Variants in ALKBH5 observed in about 807,000 individuals in gnomAD.
ALKBH5 encodes RNA demethylase ALKBH5.
Under a neutral mutation model 32.1 loss-of-function variants are expected in ALKBH5, and 2 were observed. The observed-to-expected ratio is 0.06, with a 90% CI of 0.03 to 0.20. ALKBH5 has a LOEUF of 0.20. Ranked by LOEUF, ALKBH5 falls within the 10% of genes least tolerant of loss-of-function variation. ALKBH5 has a pLI of 1.00. For missense variants in ALKBH5, 352 were observed against 559.5 expected (o/e 0.63, Z 3.74); for synonymous variants, 300 against 231.7 (o/e 1.29, Z -2.68).
Position 18,208,328 on chromosome 17 carries a change from G to A in ALKBH5, c.1117G>A (p.Glu373Lys), listed in dbSNP as rs751699434. 41 of 1,613,954 alleles carry A rather than the reference G, an allele frequency of 2.5e-5. No individual in the cohort carries two copies. The highest frequency in any genetic ancestry group is 3.1e-5 in the Non-Finnish European group (36 of 1,180,026). ...TGAGAACTACTGGCGCAAGTCATAC[G>A]AGTCCTCAGAGGACTGCTCTGAGGC... ...SSENYWRKSY[E>K]SSEDCSEAAG... Residue 373 changes from glutamate (E) to lysine (K), a missense_variant, in exon 4 of 4, where the codon GAG becomes AAG. Coordinates refer to ENST00000399138, the MANE Select transcript of ALKBH5 (RefSeq NM_017758.4).
chr17:18,188,631 A>G (rs997421970), intron 1 of ALKBH5, among the ~76,000 whole-genome samples: 3 of 152,186 alleles, frequency 2.0e-5, no homozygotes, highest in Non-Finnish European at 4.4e-5. Flanking sequence ...CACCGTCAGG[A>G]GGAGCTCTGG....
At position 18,208,203 on chromosome 17, in the gene ALKBH5, C is replaced by G. The variant is rs756590328; in HGVS notation, c.1008-16C>G. Reference sequence around the variant, plus strand: ...GCCAGCCTCTCAGATAACGTCCTACCTCCCTTTCCTTGCAGGCCACGGATC... The same window carrying G: ...GCCAGCCTCTCAGATAACGTCCTACGTCCCTTTCCTTGCAGGCCACGGATC... On this transcript the variant is annotated splice_polypyrimidine_tract_variant and intron_variant, in intron 3 of 3. Coordinates refer to ENST00000399138, the MANE Select transcript of ALKBH5 (RefSeq NM_017758.4). The G allele has an allele frequency of 1.3e-6, 2 of 1,596,324 alleles. No homozygotes were observed. Among genetic ancestry groups the G allele is most frequent in the Non-Finnish European group, 1.7e-6 (2 of 1,170,376 alleles).
Position 18,184,720 on chromosome 17 carries a change from C to G in ALKBH5, c.477C>G (p.Gly159=), listed in dbSNP as rs747500812. Residue 159 remains glycine (G), a synonymous_variant, in exon 1 of 4, where the codon GGC becomes GGG. Coordinates refer to ENST00000399138, the MANE Select transcript of ALKBH5 (RefSeq NM_017758.4). ...GCCAGGAGCGCCTCTACCCGCCGGG[C>G]GACGTGGACGAGATCCCCGAGTGGG... ...GPGQERLYPP[G]DVDEIPEWVH... 2.7e-5 allele frequency: 44 copies of G among 1,613,182 alleles called. No homozygotes were observed. The highest frequency in any genetic ancestry group is 3.4e-5 in the Non-Finnish European group (40 of 1,179,844).
chr17:18,187,912 C>CT (rs1041910437), intron 1 of ALKBH5, among the ~76,000 whole-genome samples: 11 of 152,172 alleles, frequency 7.2e-5, no homozygotes, highest in African/African-American at 2.4e-4. Context: ...CTGTACCCCT[C>CT]TAAGACCGCA....
At position 18,209,686 on chromosome 17, in the gene ALKBH5, A is replaced by G. The variant is rs930746701; in HGVS notation, c.*1290A>G. The G allele has an allele frequency of 2.0e-5, 3 of 152,302 alleles. No homozygotes were observed. The highest frequency in any genetic ancestry group is 6.5e-5 in the Admixed American group (1 of 15,274). The allele number at this position is 152,302 out of a possible 1,614,324, so 9.4% of individuals were successfully genotyped here. A position where few individuals can be genotyped will look rare whatever the true frequency, so the allele number is the denominator to read the frequency against. On this transcript the variant is annotated 3_prime_UTR_variant, in exon 4 of 4. Coordinates refer to ENST00000399138, the MANE Select transcript of ALKBH5 (RefSeq NM_017758.4). ...AGGCCCTCCCAGCAACCAGGATACCACCACTTTGGGGGCTTTGTGTACAGA... is the reference window on the plus strand; with the variant it reads ...AGGCCCTCCCAGCAACCAGGATACCGCCACTTTGGGGGCTTTGTGTACAGA...
chr17:18,204,258 C>T (rs896476221), intron 2 of ALKBH5, among the ~76,000 whole-genome samples: 2 of 151,918 alleles, frequency 1.3e-5, no homozygotes, highest in Non-Finnish European at 2.9e-5. Context: ...TCAAGACCAG[C>T]CTGACCAACA....
Position 18,208,494 on chromosome 17 carries a change from G to A in ALKBH5, c.*98G>A, listed in dbSNP as rs113377558. The A allele has an allele frequency of 2.0e-5, 10 of 512,792 alleles. No homozygotes were observed. The highest frequency in any genetic ancestry group is 1.8e-4 in the African/African-American group (6 of 33,236). 31.8% of individuals were successfully genotyped at this position (512,792 alleles called of 1,614,324 possible). On this transcript the variant is annotated 3_prime_UTR_variant, in exon 4 of 4. Coordinates refer to ENST00000399138, the MANE Select transcript of ALKBH5 (RefSeq NM_017758.4). ...TGTTTTTGTTCATTGGGGGGTTTTT[G>A]TTTTTTGTTTTTTGTTTTTTTTGAT...
chr17:18,206,617 A>G, intron 2 of ALKBH5, 198 bp from the exon 3 acceptor site: 1 of 618,804 alleles, frequency 1.6e-6, no homozygotes, highest in Non-Finnish European at 2.9e-6. Context: ...TTACTCCTAA[A>G]GGTGGACTTG....
intron 2 of ALKBH5, among the ~76,000 whole-genome samples, chr17:18,196,667 A>C (rs561216272): frequency 6.6e-5 from 10 of 152,300 alleles, no homozygotes; most frequent in African/African-American, 2.4e-4. Flanking sequence ...AACACTATTG[A>C]TATTGATCAT....
chr17:18,201,804 GATAGATAGATAGATAGATAGATA>G (rs2047240448), intron 2 of ALKBH5, among the ~76,000 whole-genome samples: 1 of 69,228 alleles, frequency 1.4e-5, no homozygotes, highest in South Asian at 4.1e-4. Flanking sequence ...AAGATAGATA[GATAGATAGATAGATAGATAGATA>G]GATAGATAGA....
intron 2 of ALKBH5, among the ~76,000 whole-genome samples, chr17:18,202,957 C>T (rs2047250390): frequency 6.6e-6 from 1 of 151,660 alleles, no homozygotes; most frequent in South Asian, 2.1e-4. Context: ...ACCTGTAGTC[C>T]CAGCTACTCA....
At chr17:18,201,627 A>G (rs1056177350) in intron 2 of ALKBH5, among the ~76,000 whole-genome samples, 6 of 152,220 alleles carry the variant, frequency 3.9e-5, no homozygotes, top group Admixed American at 2.0e-4. Flanking sequence ...GCGTGGTAGC[A>G]TGCATCTGTA....
intron 2 of ALKBH5, among the ~76,000 whole-genome samples, chr17:18,205,601 C>T (rs2047265283): frequency 6.6e-6 from 1 of 152,186 alleles, no homozygotes. Context: ...TTTAAACTTT[C>T]CCCCGTGACT....
At chr17:18,197,628 C>G (rs1026948329) in intron 2 of ALKBH5, among the ~76,000 whole-genome samples, 1 of 152,160 alleles carries the variant, frequency 6.6e-6, no homozygotes, top group Non-Finnish European at 1.5e-5. Context: ...TGAATGGTGA[C>G]TCCCATACCT....
At chr17:18,204,797 C>T (rs925367920) in intron 2 of ALKBH5, among the ~76,000 whole-genome samples, 1 of 151,848 alleles carries the variant, frequency 6.6e-6, no homozygotes, top group African/African-American at 2.4e-5. Context: ...GGCTTGATGG[C>T]TCATACCTGT....
chr17:18,186,187 G>A (rs954171535), intron 1 of ALKBH5, among the ~76,000 whole-genome samples: 6 of 152,206 alleles, frequency 3.9e-5, no homozygotes, highest in African/African-American at 1.4e-4. Flanking sequence ...TGGGAAGGTG[G>A]GAAGTCAGTA....
At chr17:18,197,749 A>G (rs944457235) in intron 2 of ALKBH5, among the ~76,000 whole-genome samples, 1 of 152,192 alleles carries the variant, frequency 6.6e-6, no homozygotes, top group Admixed American at 6.5e-5. Context: ...CAGTGGCCTG[A>G]CCTTGGGAAT....
At position 18,184,483 on chromosome 17, in the gene ALKBH5, G is replaced by C; in HGVS notation, c.240G>C (p.Glu80Asp). The change falls in exon 1 of 4, where the codon GAG becomes GAC. Residue 80 changes from glutamate (E) to aspartate (D), a missense_variant. Glu to Asp is a conservative substitution (Grantham distance 45, BLOSUM62 2). Around this residue, in one of 4 missense-constraint regions of ALKBH5, gnomAD observed 144 missense variants for 125.8 expected, o/e 1.14. Coordinates refer to ENST00000399138, the MANE Select transcript of ALKBH5 (RefSeq NM_017758.4). ...AGGAGCAGCAGCTGCAGAAGGAGGA[G>C]GAGGCGCGCAAGGTGAAGAGCGGCA... ...DYEEQQLQKE[E>D]EARKVKSGIR... 1 of 1,612,932 alleles carries C rather than the reference G, an allele frequency of 6.2e-7. No individual in the cohort carries two copies. The highest frequency in any genetic ancestry group is 8.5e-7 in the Non-Finnish European group (1 of 1,179,824).
At chr17:18,200,964 A>G (rs1425831497) in intron 2 of ALKBH5, among the ~76,000 whole-genome samples, 1 of 152,160 alleles carries the variant, frequency 6.6e-6, no homozygotes, top group East Asian at 1.9e-4. Flanking sequence ...TGCATGTGAG[A>G]GATTGTAGGA....
Sources: allele counts gnomAD v4.1 joint callset (sites outside exome capture counted in the v4.1 genomes callset), GRCh38; gene constraint gnomAD v4.1.1; regional missense constraint gnomAD v4.1.1; transcripts MANE v1.5; gene names NCBI Gene and HGNC (gene_info 2026-07-23, HGNC 2026-07-21).